Variants in NUFIP1 observed in about 807,000 individuals in gnomAD.
NUFIP1 encodes the protein FMR1-interacting protein NUFIP1.
NUFIP1 carries 38 observed loss-of-function variants against 56.2 expected under a neutral mutation model. The observed-to-expected ratio is 0.68, with a 90% CI of 0.52 to 0.89. NUFIP1 has a LOEUF of 0.89. Ranked by LOEUF, NUFIP1 falls within the 40% of genes least tolerant of loss-of-function variation. The pLI is 0.00. For missense variants in NUFIP1, 567 were observed against 605.8 expected (o/e 0.94, Z 0.67); for synonymous variants, 215 against 212.4 (o/e 1.01, Z -0.10).
At chr13:44,959,057 T>C (rs1360564392) in intron 7 of NUFIP1, among the ~76,000 whole-genome samples, 2 of 152,192 alleles carry the variant, frequency 1.3e-5, no homozygotes, top group Non-Finnish European at 2.9e-5. Context: ...ATCCACATAT[T>C]TGGGCAAATT....
At chr13:44,950,461 T>G (rs369183472) in intron 7 of NUFIP1, among the ~76,000 whole-genome samples, 1 of 152,318 alleles carries the variant, frequency 6.6e-6, no homozygotes, top group South Asian at 2.1e-4. Flanking sequence ...TTATCTTACC[T>G]GAGCCTCCTG....
At chr13:44,987,932 CT>C (rs1872469842) in intron 1 of NUFIP1, among the ~76,000 whole-genome samples, 1 of 152,206 alleles carries the variant, frequency 6.6e-6, no homozygotes. Context: ...TACAATTATA[CT>C]CCAGACTCAG....
At chr13:44,966,995 T>TA (rs1366747065) in intron 5 of NUFIP1, among the ~76,000 whole-genome samples, 9 of 148,564 alleles carry the variant, frequency 6.1e-5, no homozygotes, top group South Asian at 2.1e-4. Flanking sequence ...AATAAATAAA[T>TA]AAATAAAATA....
At chr13:44,944,696 T>C (rs534372160) in intron 8 of NUFIP1, among the ~76,000 whole-genome samples, 50 of 152,046 alleles carry the variant, frequency 3.3e-4, no homozygotes, top group Admixed American at 3.0e-3. Context: ...AAATTGAAAG[T>C]ATAGAGATAT....
intron 5 of NUFIP1, 85 bp from the exon 6 acceptor site, chr13:44,966,021 TTTTG>T (rs1871588628): frequency 1.5e-6 from 1 of 679,288 alleles, no homozygotes; most frequent in Non-Finnish European, 2.2e-6. Context: ...AATTTAGCAA[TTTTG>T]TTTAACACCT....
chr13:44,960,069 T>C (rs1398111464), intron 6 of NUFIP1, among the ~76,000 whole-genome samples: 2 of 148,954 alleles, frequency 1.3e-5, no homozygotes, highest in Admixed American at 6.7e-5. Flanking sequence ...GCAGCTGGGA[T>C]TACAGGCACG....
chr13:44,957,695 C>CT (rs879515211), intron 7 of NUFIP1, among the ~76,000 whole-genome samples: 1,808 of 147,598 alleles, frequency 0.012, 31 homozygotes, highest in African/African-American at 0.04. Flanking sequence ...TACTGAAATA[C>CT]TTTTTTTTTT....
Position 44,979,181 on chromosome 13 carries a change from T to G in NUFIP1, c.734+9A>C. On this transcript the variant is annotated intron_variant, in intron 5 of 9. Coordinates refer to ENST00000379161, the MANE Select transcript of NUFIP1 (RefSeq NM_012345.3). ...AACAGTTATTTCACCAGTTCTGAAC[T>G]CTACTCACTTCCTTCTTTCTTCCCT... is the stretch of plus-strand genomic sequence containing the variant. 3 of 1,604,666 alleles carry G rather than the reference T, an allele frequency of 1.9e-6. No individual in the cohort carries two copies. The Middle Eastern group carries it at 5.0e-4, about 266-fold the overall frequency.
Position 44,943,657 on chromosome 13 carries a change from C to G in NUFIP1, c.1156G>C (p.Glu386Gln), listed in dbSNP as rs767935227. Residue 386 changes from glutamate to glutamine, a missense_variant, in exon 9 of 10, where the codon GAA becomes CAA. Transcript: ENST00000379161. ...SEPEETPIKT[E>Q]ADVLAENQVL... Reference sequence around the variant, plus strand: ...TGGTTTTCTGCCAAAACGTCTGCTTCAGTCTTGATGGGAGTTTCTAAGTGT... The same window carrying G: ...TGGTTTTCTGCCAAAACGTCTGCTTGAGTCTTGATGGGAGTTTCTAAGTGT... 1 of 1,612,536 alleles carries G rather than the reference C, an allele frequency of 6.2e-7. No individual in the cohort carries two copies. The highest frequency in any genetic ancestry group is 2.2e-5 in the East Asian group (1 of 44,888).
At chr13:44,965,074 T>G (rs943088697) in intron 6 of NUFIP1, among the ~76,000 whole-genome samples, 6 of 152,284 alleles carry the variant, frequency 3.9e-5, no homozygotes, top group Admixed American at 3.9e-4. Flanking sequence ...CCACATGTCA[T>G]GGGAGGAACC....
chr13:44,942,885 G>A (rs999005838), intron 9 of NUFIP1, among the ~76,000 whole-genome samples: 2 of 151,310 alleles, frequency 1.3e-5, no homozygotes, highest in Admixed American at 1.3e-4. Flanking sequence ...AGGATCACTT[G>A]AGCCCAGGAA....
chr13:44,961,558 C>A (rs181485161), intron 6 of NUFIP1, among the ~76,000 whole-genome samples: 18 of 152,274 alleles, frequency 1.2e-4, no homozygotes, highest in African/African-American at 3.6e-4. Flanking sequence ...CCTTTAGGGT[C>A]ATAATAACCC....
intron 1 of NUFIP1, among the ~76,000 whole-genome samples, chr13:44,984,924 T>G (rs1466990199): frequency 6.6e-6 from 1 of 152,192 alleles, no homozygotes; most frequent in Non-Finnish European, 1.5e-5. Context: ...GTGTTCTCAT[T>G]GTTCAATTCC....
intron 6 of NUFIP1, among the ~76,000 whole-genome samples, chr13:44,963,310 T>C (rs1046950957): frequency 2.0e-5 from 3 of 152,248 alleles, no homozygotes; most frequent in Non-Finnish European, 2.9e-5. Flanking sequence ...TTCTAAGTGG[T>C]ATCTTTTAAA....
intron 8 of NUFIP1, among the ~76,000 whole-genome samples, chr13:44,949,453 G>A (rs1050597740): frequency 8.6e-5 from 13 of 151,684 alleles, no homozygotes; most frequent in African/African-American, 2.9e-4. Context: ...CGCCCGCCTC[G>A]GCCTCCCAAA....
intron 8 of NUFIP1, among the ~76,000 whole-genome samples, chr13:44,946,244 T>C (rs1430572653): frequency 6.6e-6 from 1 of 152,120 alleles, no homozygotes; most frequent in Non-Finnish European, 1.5e-5. Flanking sequence ...TTCTTGAGAT[T>C]TACAACATTT....
intron 1 of NUFIP1, among the ~76,000 whole-genome samples, chr13:44,983,514 G>A (rs545236601): frequency 6.6e-6 from 1 of 152,106 alleles, no homozygotes; most frequent in Non-Finnish European, 1.5e-5. Context: ...AGTTGAGGGA[G>A]GGGCTGGCAT....
At position 44,982,156 on chromosome 13, in the gene NUFIP1, TAAA is replaced by T. The variant is rs545776140; in HGVS notation, c.413-5_413-3del. On this transcript the variant is annotated splice_region_variant and splice_polypyrimidine_tract_variant and intron_variant, in intron 1 of 9. Coordinates refer to ENST00000379161, the MANE Select transcript of NUFIP1 (RefSeq NM_012345.3). ...TTCGTGGATAATAAGAATTTTTAACTAAAAAAAAAAAGATCCATAAATGTTTGC... is the reference window on the plus strand; with the variant it reads ...TTCGTGGATAATAAGAATTTTTAACTAAAAAAAAGATCCATAAATGTTTGC... 6.1e-6 allele frequency: 7 copies of T among 1,144,386 alleles called. No individual in the cohort carries two copies. Among genetic ancestry groups the T allele is most frequent in the South Asian group, 2.0e-5 (1 of 50,852 alleles). The allele number at this position is 1,144,386 out of a possible 1,614,324, so 70.9% of individuals were successfully genotyped here. A position where few individuals can be genotyped will look rare whatever the true frequency, so the allele number is the denominator to read the frequency against.
chr13:44,942,621 T>C (rs1161583094), intron 9 of NUFIP1, among the ~76,000 whole-genome samples: 1 of 152,168 alleles, frequency 6.6e-6, no homozygotes, highest in Non-Finnish European at 1.5e-5. Context: ...CACTAAAAAA[T>C]GTAAAATACT....
Sources: gnomAD v4.1 joint callset for allele counts (sites outside exome capture counted in the v4.1 genomes callset) on GRCh38, gnomAD v4.1.1 for gene constraint, MANE v1.5 for transcripts, NCBI Gene and HGNC (gene_info 2026-07-23, HGNC 2026-07-21) for gene names.